The following NKAIN2 variants were observed in gnomAD, a reference collection of about 807,000 sequenced individuals.
The protein encoded by NKAIN2 is sodium/potassium transporting ATPase interacting 2.
NKAIN2 carries 14 observed loss-of-function variants against 32.6 expected under a neutral mutation model. The ratio of observed to expected loss-of-function variants is 0.43; its 90% confidence interval spans 0.28 to 0.67. The LOEUF (loss-of-function observed/expected upper bound fraction) is 0.67. Among genes scored for constraint, NKAIN2 ranks in the 30% least tolerant of loss-of-function variants. The pLI is 0.17. For missense variants in NKAIN2, 198 were observed against 258.3 expected (o/e 0.77, Z 1.60); for synonymous variants, 80 against 87.2 (o/e 0.92, Z 0.46).
intron 1 of NKAIN2, among the ~76,000 whole-genome samples, 186 bp from the exon 2 acceptor site, chr6:124,282,819 C>A (rs867270926): frequency 4.6e-5 from 7 of 152,194 alleles, no homozygotes; most frequent in Admixed American, 1.3e-4. Context: ...TATAGATCCA[C>A]AGATTCCATA....
intron 1 of NKAIN2, among the ~76,000 whole-genome samples, chr6:124,027,632 G>T (rs1043024328): frequency 3.9e-5 from 6 of 152,110 alleles, no homozygotes; most frequent in Non-Finnish European, 2.9e-5. Context: ...TCGTCAGCCA[G>T]TCATGCCTAG....
chr6:124,727,281 G>GA (rs994330355), intron 4 of NKAIN2, among the ~76,000 whole-genome samples: 107 of 152,144 alleles, frequency 7.0e-4, no homozygotes, highest in Middle Eastern at 3.4e-3. Flanking sequence ...TGAAATGAAG[G>GA]AAAAAATGTT....
At chr6:124,705,829 C>T (rs1775032528) in intron 4 of NKAIN2, among the ~76,000 whole-genome samples, 1 of 152,000 alleles carries the variant, frequency 6.6e-6, no homozygotes, top group Non-Finnish European at 1.5e-5. Context: ...ATGGAAATAA[C>T]TCAATTAAGC....
At chr6:124,226,881 AC>A (rs1352834640) in intron 1 of NKAIN2, among the ~76,000 whole-genome samples, 6 of 152,140 alleles carry the variant, frequency 3.9e-5, no homozygotes, top group Admixed American at 3.3e-4. Flanking sequence ...TTTAGCACTT[AC>A]ACACAGGAAT....
chr6:123,928,889 G>A (rs1776129250), intron 1 of NKAIN2, among the ~76,000 whole-genome samples: 1 of 152,186 alleles, frequency 6.6e-6, no homozygotes, highest in Admixed American at 6.5e-5. Context: ...TGGATAGATT[G>A]TGGTGTATTA....
intron 1 of NKAIN2, among the ~76,000 whole-genome samples, chr6:123,916,795 A>G (rs373309591): frequency 1.5e-4 from 20 of 137,172 alleles, no homozygotes; most frequent in Admixed American, 6.2e-4. Flanking sequence ...GTATCTATCT[A>G]TGTATCTGTG....
chr6:124,177,625 G>GT (rs1025282546), intron 1 of NKAIN2, among the ~76,000 whole-genome samples: 7 of 151,774 alleles, frequency 4.6e-5, no homozygotes, highest in African/African-American at 9.7e-5. Context: ...ATGGTTGAAA[G>GT]TTTTTTTTTC....
intron 1 of NKAIN2, among the ~76,000 whole-genome samples, chr6:124,148,873 C>T (rs78267190): frequency 0.019 from 2,850 of 152,270 alleles, 79 homozygotes; most frequent in African/African-American, 0.054. Context: ...ATTTGAGAAG[C>T]TGCTAAGCTG....
intron 1 of NKAIN2, among the ~76,000 whole-genome samples, chr6:123,847,521 T>C (rs1443557589): frequency 6.6e-6 from 1 of 152,208 alleles, no homozygotes; most frequent in African/African-American, 2.4e-5. Context: ...GGAAGATGGA[T>C]GTCTTATTCT....
At chr6:124,227,713 T>C (rs769363599) in intron 1 of NKAIN2, among the ~76,000 whole-genome samples, 1 of 152,172 alleles carries the variant, frequency 6.6e-6, no homozygotes, top group Non-Finnish European at 1.5e-5. Context: ...TCCTAATCCA[T>C]TTCTAATTAG....
At chr6:124,226,196 T>TA (rs974978411) in intron 1 of NKAIN2, among the ~76,000 whole-genome samples, 65 of 152,020 alleles carry the variant, frequency 4.3e-4, no homozygotes, top group African/African-American at 1.3e-3. Context: ...GGCTGTTTTT[T>TA]AAAAAAAATT....
intron 1 of NKAIN2, among the ~76,000 whole-genome samples, chr6:123,821,692 C>CGG (rs1562200155): frequency 6.6e-6 from 1 of 151,928 alleles, no homozygotes; most frequent in Non-Finnish European, 1.5e-5. Flanking sequence ...GAGGGACAAG[C>CGG]GGGGGGCCCG....
intron 1 of NKAIN2, among the ~76,000 whole-genome samples, chr6:124,201,882 G>A (rs1019685300): frequency 6.6e-6 from 1 of 151,900 alleles, no homozygotes; most frequent in South Asian, 2.1e-4. Context: ...ACTTCAAATA[G>A]GATAAGATTT....
intron 1 of NKAIN2, among the ~76,000 whole-genome samples, chr6:124,180,402 T>C (rs893148192): frequency 2.0e-5 from 3 of 152,020 alleles, no homozygotes; most frequent in Admixed American, 6.6e-5. Context: ...TCCTGAGACT[T>C]ATTCACTACC....
intron 1 of NKAIN2, among the ~76,000 whole-genome samples, chr6:124,155,680 GA>G (rs951291304): frequency 4.0e-5 from 6 of 150,952 alleles, no homozygotes; most frequent in South Asian, 2.1e-4. Context: ...GAGATAAATG[GA>G]AAAAAAATCT....
At chr6:124,764,085 G>T (rs1778393607) in intron 4 of NKAIN2, among the ~76,000 whole-genome samples, 1 of 152,126 alleles carries the variant, frequency 6.6e-6, no homozygotes, top group African/African-American at 2.4e-5. Context: ...AGATATCTAT[G>T]AACTTATTCT....
At chr6:124,341,494 A>G (rs117068762) in intron 2 of NKAIN2, among the ~76,000 whole-genome samples, 2,268 of 152,302 alleles carry the variant, frequency 0.015, 32 homozygotes, top group Non-Finnish European at 0.023. Flanking sequence ...TCAAAATTTT[A>G]AATATTTTCT....
chr6:124,070,635 C>T (rs1783411501), intron 1 of NKAIN2, among the ~76,000 whole-genome samples: 1 of 152,106 alleles, frequency 6.6e-6, no homozygotes, highest in Non-Finnish European at 1.5e-5. Flanking sequence ...TCCATTTCTC[C>T]AGTTTATTCT....
intron 3 of NKAIN2, among the ~76,000 whole-genome samples, chr6:124,493,534 A>T (rs1777946053): frequency 6.6e-6 from 1 of 151,938 alleles, no homozygotes; most frequent in Non-Finnish European, 1.5e-5. Context: ...GCCTGCTAAC[A>T]TTACATGAAC....
Sources: allele counts gnomAD v4.1 joint callset (sites outside exome capture counted in the v4.1 genomes callset), GRCh38; gene constraint gnomAD v4.1.1; transcripts MANE v1.5; gene names NCBI Gene and HGNC (gene_info 2026-07-23, HGNC 2026-07-21).